Variants in TUT4 observed in about 807,000 individuals in gnomAD.
TUT4 encodes terminal uridylyltransferase 4.
A neutral mutation model predicts 192.2 loss-of-function variants in TUT4; 36 were observed. That is an observed-to-expected ratio of 0.19 (90% CI 0.14 to 0.25). The LOEUF (loss-of-function observed/expected upper bound fraction) is 0.25. Ranked by LOEUF, TUT4 falls within the 10% of genes least tolerant of loss-of-function variation. The pLI, the probability that TUT4 is intolerant of heterozygous loss-of-function variation, is 1.00. For missense variants in TUT4, 1,493 were observed against 1,957.2 expected (o/e 0.76, Z 4.47); for synonymous variants, 618 against 666.0 (o/e 0.93, Z 1.11).
rs755009355 is a variant in TUT4 at position 52,465,225 on chromosome 1, G to A, written c.2966-52C>T. 8.5e-6 allele frequency: 11 copies of A among 1,290,062 alleles called. No individual in the cohort carries two copies. The Admixed American group carries it at 1.5e-4, about 18-fold the overall frequency. 79.9% of individuals were successfully genotyped at this position (1,290,062 alleles called of 1,614,324 possible). ...GCCTTATTATAAGCAGAGAGGAGGA[G>A]TCTTCTGCTATCTGCTGATGACCTA... On this transcript the variant is annotated intron_variant, in intron 15 of 29. Coordinates refer to ENST00000257177, the MANE Select transcript of TUT4 (RefSeq NM_001009881.3).
chr1:52,424,079 G>A, intron 29 of TUT4, 77 bp from the exon 30 acceptor site: 2 of 1,424,788 alleles, frequency 1.4e-6, no homozygotes, highest in South Asian at 2.5e-5. Context: ...TTAACTTGTA[G>A]TTAGCTTTCT....
chr1:52,504,358 G>A (rs1244261308), intron 4 of TUT4, among the ~76,000 whole-genome samples: 1 of 152,156 alleles, frequency 6.6e-6, no homozygotes, highest in African/African-American at 2.4e-5. Context: ...ATGGCCAGGT[G>A]CACTGTTTCA....
At chr1:52,520,546 A>C (rs1679966833) in intron 2 of TUT4, among the ~76,000 whole-genome samples, 1 of 152,160 alleles carries the variant, frequency 6.6e-6, no homozygotes, top group African/African-American at 2.4e-5. Context: ...AAGACTCTGC[A>C]TTTTAATATG....
chr1:52,502,865 C>T (rs1476496931), intron 4 of TUT4, among the ~76,000 whole-genome samples: 2 of 152,060 alleles, frequency 1.3e-5, no homozygotes, highest in South Asian at 2.1e-4. Flanking sequence ...CTCAGGAGAT[C>T]CACCTTCCTT....
chr1:52,448,465 G>T (rs1213830420), intron 20 of TUT4, among the ~76,000 whole-genome samples: 1 of 151,720 alleles, frequency 6.6e-6, no homozygotes, highest in Non-Finnish European at 1.5e-5. Flanking sequence ...GGTTCGTGCT[G>T]GTAGTCCCAG....
intron 7 of TUT4, among the ~76,000 whole-genome samples, chr1:52,491,291 A>T (rs1671083469): frequency 6.6e-6 from 1 of 152,174 alleles, no homozygotes; most frequent in Non-Finnish European, 1.5e-5. Context: ...GCCTAATCAA[A>T]GCTGCTAAGG....
chr1:52,533,395 A>G (rs1276449689), intron 1 of TUT4, among the ~76,000 whole-genome samples: 5 of 152,198 alleles, frequency 3.3e-5, no homozygotes, highest in Admixed American at 1.3e-4. Context: ...CTACATACCT[A>G]TCAATAATTC....
intron 11 of TUT4, among the ~76,000 whole-genome samples, chr1:52,479,369 G>C (rs889144184): frequency 6.6e-6 from 1 of 152,186 alleles, no homozygotes; most frequent in Non-Finnish European, 1.5e-5. Context: ...AGAGGAAAGG[G>C]TAGACACAGG....
intron 20 of TUT4, among the ~76,000 whole-genome samples, chr1:52,455,381 G>A (rs138654630): frequency 8.1e-4 from 123 of 152,100 alleles, no homozygotes; most frequent in African/African-American, 1.9e-3. Context: ...TTGAGAGGCC[G>A]AGGTGGGCTT....
chr1:52,496,946 C>A, intron 5 of TUT4, 60 bp downstream of exon 5: 1 of 1,505,172 alleles, frequency 6.6e-7, no homozygotes, highest in South Asian at 1.2e-5. Context: ...TACTCTAGTT[C>A]AAGAGGAGCA....
intron 2 of TUT4, among the ~76,000 whole-genome samples, chr1:52,519,513 C>CT (rs200168317): frequency 0.034 from 4,836 of 143,932 alleles, 97 homozygotes; most frequent in African/African-American, 0.06. Flanking sequence ...GTAAAATATT[C>CT]TTTTTTTTTT....
intron 2 of TUT4, among the ~76,000 whole-genome samples, chr1:52,520,101 A>G (rs1679842373): frequency 6.6e-6 from 1 of 152,192 alleles, no homozygotes; most frequent in African/African-American, 2.4e-5. Context: ...GGAAAAAGCA[A>G]ATGCAAAGTT....
At chr1:52,539,724 T>G (rs1285973950) in intron 1 of TUT4, among the ~76,000 whole-genome samples, 1 of 150,928 alleles carries the variant, frequency 6.6e-6, no homozygotes, top group Non-Finnish European at 1.5e-5. Flanking sequence ...CCTGACAACA[T>G]GGTGAAACCC....
chr1:52,440,369 G>A (rs1247813268), intron 24 of TUT4, among the ~76,000 whole-genome samples: 2 of 150,692 alleles, frequency 1.3e-5, no homozygotes. Flanking sequence ...GGCCTCAAGC[G>A]ATCTTCCTGC....
At chr1:52,463,828 G>T in intron 16 of TUT4, 1 of 1,295,108 alleles carries the variant, frequency 7.7e-7, no homozygotes, top group Non-Finnish European at 1.0e-6. Context: ...TGCTGAAATT[G>T]CACTTGGGGA....
chr1:52,476,374 T>C (rs569267676), intron 12 of TUT4, among the ~76,000 whole-genome samples: 3 of 152,312 alleles, frequency 2.0e-5, no homozygotes, highest in African/African-American at 4.8e-5. Flanking sequence ...AACTACCCTG[T>C]AAAGTCTTGA....
At chr1:52,540,552 A>G (rs1686321405) in intron 1 of TUT4, among the ~76,000 whole-genome samples, 1 of 152,042 alleles carries the variant, frequency 6.6e-6, no homozygotes, top group South Asian at 2.1e-4. Flanking sequence ...AAAAAAAGAC[A>G]AACACTACCT....
chr1:52,522,114 A>G (rs757365692), intron 2 of TUT4, among the ~76,000 whole-genome samples: 35 of 152,242 alleles, frequency 2.3e-4, no homozygotes, highest in Non-Finnish European at 4.7e-4. Flanking sequence ...ACGTATAAAC[A>G]TGACTTCAAG....
intron 14 of TUT4, among the ~76,000 whole-genome samples, chr1:52,471,014 T>TA (rs1665610408): frequency 6.9e-6 from 1 of 144,606 alleles, no homozygotes; most frequent in Non-Finnish European, 1.5e-5. Context: ...TATGCTTTTT[T>TA]TTTTTTTTTT....
Sources: gnomAD v4.1 joint callset for allele counts (sites outside exome capture counted in the v4.1 genomes callset) on GRCh38, gnomAD v4.1.1 for gene constraint, MANE v1.5 for transcripts, NCBI Gene and HGNC (gene_info 2026-07-23, HGNC 2026-07-21) for gene names.